Variants in NDUFB5 observed in about 807,000 individuals in gnomAD.
NDUFB5 encodes the protein NADH dehydrogenase [ubiquinone] 1 beta subcomplex subunit 5, mitochondrial.
A neutral mutation model predicts 19.4 loss-of-function variants in NDUFB5; 19 were observed. That is an observed-to-expected ratio of 0.98 (90% CI 0.68 to 1.43). NDUFB5 has a LOEUF of 1.43. Ranked by LOEUF, NDUFB5 falls within the 40% of genes most tolerant of loss-of-function variation. NDUFB5 has a pLI of 0.00. For synonymous variants in NDUFB5, 80 were observed against 82.6 expected (o/e 0.97, Z 0.17); for missense variants, 233 against 236.5 (o/e 0.99, Z 0.10).
intron 1 of NDUFB5, 48 bp from the exon 2 acceptor site, chr3:179,614,923 T>C: frequency 8.0e-7 from 1 of 1,249,848 alleles, no homozygotes; most frequent in Non-Finnish European, 1.2e-6. Flanking sequence ...AATATAACAG[T>C]ATACCCATAT....
intron 5 of NDUFB5, among the ~76,000 whole-genome samples, chr3:179,622,685 A>G (rs1231533755): frequency 6.6e-6 from 1 of 152,226 alleles, no homozygotes; most frequent in East Asian, 1.9e-4. Context: ...GTAGACAAGA[A>G]AGAGAACGTT....
At chr3:179,618,321 A>C in intron 4 of NDUFB5, 94 bp from the exon 5 acceptor site, 1 of 724,536 alleles carries the variant, frequency 1.4e-6, no homozygotes. Context: ...TTACTGGTTT[A>C]TCTAACTGAA....
chr3:179,607,077 T>C (rs941045983), intron 1 of NDUFB5, among the ~76,000 whole-genome samples: 3 of 152,220 alleles, frequency 2.0e-5, no homozygotes, highest in African/African-American at 7.2e-5. Context: ...CAGCAAAATT[T>C]CACCCCCAGT....
Position 179,618,432 on chromosome 3 carries a change from G to A in NDUFB5, c.360G>A (p.Trp120Ter). 1 of 1,607,948 alleles carries A rather than the reference G, an allele frequency of 6.2e-7. No individual in the cohort carries two copies. The highest frequency in any genetic ancestry group is 8.5e-7 in the Non-Finnish European group (1 of 1,177,486). ...WEYYKHPISR[W>*]IARNFYDSPE... is the part of the protein sequence containing the mutation. ...TCTTGTAGCATCCCATATCAAGATGGATTGCCCGTAATTTCTATGATAGTC... is the reference window on the plus strand; with the variant it reads ...TCTTGTAGCATCCCATATCAAGATGAATTGCCCGTAATTTCTATGATAGTC... Residue 120 changes from tryptophan (W) to a stop codon, truncating the protein, a stop_gained, in exon 5 of 6, where the codon TGG becomes TGA. Coordinates refer to ENST00000259037, the MANE Select transcript of NDUFB5 (RefSeq NM_002492.4). LOFTEE classifies it high-confidence loss of function.
intron 1 of NDUFB5, among the ~76,000 whole-genome samples, chr3:179,610,338 C>T (rs1719207597): frequency 6.6e-6 from 1 of 152,170 alleles, no homozygotes; most frequent in African/African-American, 2.4e-5. Context: ...AAGAAATTCC[C>T]CACCTCAGCC....
At chr3:179,623,535 A>C (rs981206568) in intron 5 of NDUFB5, among the ~76,000 whole-genome samples, 1 of 152,132 alleles carries the variant, frequency 6.6e-6, no homozygotes, top group Non-Finnish European at 1.5e-5. Context: ...TTAGCTGGGC[A>C]TGGTGGTGGG....
chr3:179,622,909 C>CTTAG (rs58156294), intron 5 of NDUFB5, among the ~76,000 whole-genome samples: 2,764 of 152,168 alleles, frequency 0.018, 79 homozygotes, highest in East Asian at 0.11. Context: ...TGTGCAAAGA[C>CTTAG]TTAGATATGG....
intron 1 of NDUFB5, chr3:179,607,947 A>T (rs1043802389): frequency 1.6e-6 from 1 of 607,124 alleles, no homozygotes; most frequent in East Asian, 2.9e-5. Context: ...TATTTACCCC[A>T]TTTTGCTTAT....
intron 1 of NDUFB5, among the ~76,000 whole-genome samples, chr3:179,613,632 T>A (rs911414684): frequency 6.6e-6 from 1 of 152,260 alleles, no homozygotes; most frequent in Non-Finnish European, 1.5e-5. Context: ...ATACTTACTT[T>A]GTCAAATTCT....
At chr3:179,612,719 G>T (rs1433031048) in intron 1 of NDUFB5, among the ~76,000 whole-genome samples, 1 of 151,696 alleles carries the variant, frequency 6.6e-6, no homozygotes, top group Non-Finnish European at 1.5e-5. Context: ...CTCGTGAGCC[G>T]CCCGCCTCGG....
Position 179,626,547 on chromosome 3 carries a change from T to C in NDUFB5, c.*2507T>C, listed in dbSNP as rs1278583074. Reference sequence around the variant, plus strand: ...TGGCCTTTTTGTCCATTTTATTTTTTTGAGATGGAGTCTTGCTGTGTCACC... The same window carrying C: ...TGGCCTTTTTGTCCATTTTATTTTTCTGAGATGGAGTCTTGCTGTGTCACC... On this transcript the variant is annotated 3_prime_UTR_variant, in exon 6 of 6. Coordinates refer to ENST00000259037, the MANE Select transcript of NDUFB5 (RefSeq NM_002492.4). 6.6e-6 allele frequency: 1 copy of C among 152,288 alleles called. No homozygotes were observed. Among genetic ancestry groups the C allele is most frequent in the Non-Finnish European group, 1.5e-5 (1 of 68,170 alleles). The allele number at this position is 152,288 out of a possible 1,614,324, so 9.4% of individuals were successfully genotyped here.
chr3:179,623,780 TA>T, intron 5 of NDUFB5, 139 bp from the exon 6 acceptor site: 2 of 1,033,916 alleles, frequency 1.9e-6, no homozygotes, highest in Non-Finnish European at 2.9e-6. Flanking sequence ...ATACCAGATG[TA>T]TGCCTACATA....
chr3:179,621,916 T>C (rs1719548450), intron 5 of NDUFB5, among the ~76,000 whole-genome samples: 1 of 152,222 alleles, frequency 6.6e-6, no homozygotes, highest in South Asian at 2.1e-4. Flanking sequence ...CTGATGATAA[T>C]TAAATCAGTA....
chr3:179,620,342 A>T (rs1278067010), intron 5 of NDUFB5, among the ~76,000 whole-genome samples: 6 of 151,844 alleles, frequency 4.0e-5, no homozygotes, highest in Non-Finnish European at 4.4e-5. Flanking sequence ...TCTAACATTT[A>T]GGTCTTTAAT....
chr3:179,616,072 C>T (rs753029766), intron 3 of NDUFB5, 23 bp downstream of exon 3: 11 of 1,590,358 alleles, frequency 6.9e-6, no homozygotes, highest in South Asian at 2.3e-5. Flanking sequence ...CATCCCCTGC[C>T]AGCACCACCA....
chr3:179,607,848 G>C, intron 1 of NDUFB5: 2 of 699,464 alleles, frequency 2.9e-6, no homozygotes, highest in Non-Finnish European at 5.2e-6. Context: ...CTGTCACTTA[G>C]CATAATATCC....
intron 1 of NDUFB5, among the ~76,000 whole-genome samples, chr3:179,613,484 T>G (rs4147789): frequency 0.47 from 71,834 of 151,964 alleles, 18,108 homozygotes; most frequent in East Asian, 0.66. Context: ...CCGTATATAG[T>G]TCTAGCATAG....
At chr3:179,616,124 A>G in intron 3 of NDUFB5, 75 bp downstream of exon 3, 1 of 1,023,454 alleles carries the variant, frequency 9.8e-7, no homozygotes. Context: ...AATATAAAAA[A>G]GAAATTATGG....
intron 3 of NDUFB5, 89 bp from the exon 4 acceptor site, chr3:179,616,894 C>T (rs1719393098): frequency 5.3e-6 from 5 of 950,208 alleles, no homozygotes; most frequent in Non-Finnish European, 8.1e-6. Context: ...TTTAAAACCA[C>T]AAGAAGTTGG....
Sources: allele counts gnomAD v4.1 joint callset (sites outside exome capture counted in the v4.1 genomes callset), GRCh38; gene constraint gnomAD v4.1.1; transcripts MANE v1.5; gene names NCBI Gene and HGNC (gene_info 2026-07-23, HGNC 2026-07-21).